Variants in CRACDL observed in about 807,000 individuals in gnomAD.
CRACDL encodes CRACD like.
A neutral mutation model predicts 70.6 loss-of-function variants in CRACDL; 26 were observed. That is an observed-to-expected ratio of 0.37 (90% confidence interval 0.27 to 0.51). The LOEUF (loss-of-function observed/expected upper bound fraction) is 0.51, where lower values mean the gene tolerates loss of function less well. CRACDL is among the 20% of genes least tolerant of loss of function. CRACDL has a pLI of 0.94. For synonymous variants in CRACDL, 618 were observed against 615.2 expected, an observed-to-expected ratio of 1.00 and a Z score of -0.07; for missense variants, 1,283 against 1,376.9, an observed-to-expected ratio of 0.93 and a Z score of 1.08.
intron 2 of CRACDL, among the ~76,000 whole-genome samples, chr2:98,844,845 G>A (rs1559229941): frequency 6.6e-6 from 1 of 152,204 alleles, no homozygotes; most frequent in Non-Finnish European, 1.5e-5. Context: ...AAAAGTACCT[G>A]GGTTTGCATC....
rs1426228695 is a variant in CRACDL, at chr2:98,822,838, TTCTCTCGGGCTCGGTCCCCGCTCC to T, written c.1411_1434del (p.Gly471_Arg478del). 4.9e-6 allele frequency: 7 copies of T among 1,440,614 alleles called. No individual in the cohort carries two copies. Among genetic ancestry groups the T allele is most frequent in the Non-Finnish European group, 3.6e-6 (4 of 1,105,072 alleles). 89.2% of individuals were successfully genotyped at this position (1,440,614 alleles called of 1,614,324 possible). A position where few individuals can be genotyped will look rare whatever the true frequency, so the allele number is the denominator to read the frequency against. On this transcript the variant is annotated inframe_deletion, in exon 7 of 10. Coordinates refer to ENST00000397899, the MANE Select transcript of CRACDL (RefSeq NM_207362.3). This position sits in a 1 kb window ranked among gnomAD's most constrained non-coding sequence, Gnocchi z 4.9. ...GGCGCCGTGGAGGGCTCGGTCCCAA[TTCTCTCGGGCTCGGTCCCCGCTCC>T]TCTCTCGGGCTCCGTCTCCGCTTCT...
At chr2:98,877,763 A>T (rs1009984993) in intron 1 of CRACDL, among the ~76,000 whole-genome samples, 1 of 151,940 alleles carries the variant, frequency 6.6e-6, no homozygotes, top group Non-Finnish European at 1.5e-5. Context: ...ATAATAAAAA[A>T]ATTTAAAATA....
chr2:98,877,512 G>A (rs1394600375), intron 1 of CRACDL, among the ~76,000 whole-genome samples: 7 of 152,218 alleles, frequency 4.6e-5, no homozygotes, highest in African/African-American at 1.4e-4. Context: ...TTGGGAGGCC[G>A]AGGCAGGCGG....
At chr2:98,832,235 C>T in intron 5 of CRACDL, 113 bp downstream of exon 5, 1 of 1,153,556 alleles carries the variant, frequency 8.7e-7, no homozygotes, top group East Asian at 2.3e-5. Context: ...ACCCAGTTGG[C>T]CACACCATGC....
chr2:98,798,503 A>G (rs1703938900), intron 7 of CRACDL, among the ~76,000 whole-genome samples: 1 of 146,472 alleles, frequency 6.8e-6, no homozygotes. Flanking sequence ...AAAAAAAGAC[A>G]CCATATGTTT....
At chr2:98,802,496 T>C (rs1326316683) in intron 7 of CRACDL, among the ~76,000 whole-genome samples, 1 of 152,240 alleles carries the variant, frequency 6.6e-6, no homozygotes, top group Non-Finnish European at 1.5e-5. Flanking sequence ...TTCGGGAAGA[T>C]CTAAAATGAA....
intron 1 of CRACDL, among the ~76,000 whole-genome samples, chr2:98,878,703 C>T (rs190541708): frequency 6.6e-6 from 1 of 152,262 alleles, no homozygotes; most frequent in East Asian, 1.9e-4. Context: ...AGATGCTCCT[C>T]GACGTACTAT....
chr2:98,883,615 G>A (rs1176697022), intron 1 of CRACDL, among the ~76,000 whole-genome samples: 7 of 152,160 alleles, frequency 4.6e-5, no homozygotes, highest in Admixed American at 6.5e-5. Flanking sequence ...TGGGAAGAGC[G>A]TGTTTGTATA....
At chr2:98,902,174 C>T (rs1055611749) in intron 1 of CRACDL, among the ~76,000 whole-genome samples, 6 of 152,192 alleles carry the variant, frequency 3.9e-5, no homozygotes, top group Admixed American at 3.9e-4. Flanking sequence ...CAGGGCAGCC[C>T]ATACGGCACA....
chr2:98,877,424 A>G (rs1193876822), intron 1 of CRACDL, among the ~76,000 whole-genome samples: 1 of 152,222 alleles, frequency 6.6e-6, no homozygotes, highest in Non-Finnish European at 1.5e-5. Flanking sequence ...TAGTGATGTT[A>G]GAGACATTGT....
chr2:98,867,572 C>G (rs1344834694), intron 1 of CRACDL, among the ~76,000 whole-genome samples: 1 of 152,048 alleles, frequency 6.6e-6, no homozygotes, highest in African/African-American at 2.4e-5. Context: ...TTTACAAAAC[C>G]ATTATTTCAA....
intron 1 of CRACDL, among the ~76,000 whole-genome samples, chr2:98,899,865 G>C (rs1003607051): frequency 1.5e-5 from 2 of 130,196 alleles, no homozygotes; most frequent in Non-Finnish European, 3.2e-5. Context: ...GCAGGGAATG[G>C]AGGCTCAGTG....
In CRACDL at chr2:98,823,948, C is replaced by CA. The variant is rs1705202479; in HGVS notation, c.736-412dup. Among the ~76,000 whole-genome samples the CA allele has an allele frequency of 6.6e-6, 1 of 152,208 alleles. No homozygotes were observed. The highest frequency in any genetic ancestry group is 1.5e-5 in the Non-Finnish European group (1 of 68,044). On this transcript the variant is annotated intron_variant, in intron 6 of 9. Coordinates refer to ENST00000397899, the MANE Select transcript of CRACDL (RefSeq NM_207362.3). This position sits in a 1 kb window ranked among gnomAD's most constrained non-coding sequence, Gnocchi z 4.0. Reference sequence around the variant, plus strand: ...TTTTTGCACTTGAGAGCCAGGAACTCAGAGAGGCCAATACCTTGTTCAAGC... The same window carrying CA: ...TTTTTGCACTTGAGAGCCAGGAACTCAAGAGAGGCCAATACCTTGTTCAAGC...
chr2:98,822,949 T>G lies in CRACDL; in HGVS notation c.1324A>C (p.Thr442Pro). 6.8e-7 allele frequency: 1 copy of G among 1,460,374 alleles called. No homozygotes were observed. Among genetic ancestry groups the G allele is most frequent in the Non-Finnish European group, 9.0e-7 (1 of 1,111,230 alleles). The allele number at this position is 1,460,374 out of a possible 1,614,324, so 90.5% of individuals were successfully genotyped here. ...TCCTCATCCGGGAGCACGGGCGGCG[T>G]CGGCTCCGCTTCCTTCGGGACACTG... ...ERSVPKEAEP[T>P]PPVLPDEEKG... The change falls in exon 7 of 10, where the codon ACG (threonine) becomes CCG (proline). Residue 442 changes from threonine (T) to proline (P), a missense_variant. Physicochemically the swap from Thr to Pro is conservative, Grantham distance 38. Transcript: ENST00000397899. This position sits in a 1 kb window ranked among gnomAD's most constrained non-coding sequence, Gnocchi z 4.9.
intron 1 of CRACDL, among the ~76,000 whole-genome samples, chr2:98,881,813 G>A (rs905345229): frequency 6.6e-6 from 1 of 152,172 alleles, no homozygotes; most frequent in Non-Finnish European, 1.5e-5. Flanking sequence ...GCGGGGAGAG[G>A]AGGGAGTCTC....
chr2:98,927,567 G>A (rs1186447990), intron 1 of CRACDL, among the ~76,000 whole-genome samples: 1 of 151,336 alleles, frequency 6.6e-6, no homozygotes, highest in African/African-American at 2.4e-5. Flanking sequence ...GAAGGAGTCT[G>A]GTATATACAC....
chr2:98,857,945 AGG>A (rs1706773816), intron 1 of CRACDL, among the ~76,000 whole-genome samples: 1 of 152,236 alleles, frequency 6.6e-6, no homozygotes, highest in Non-Finnish European at 1.5e-5. Flanking sequence ...ATATATTTAA[AGG>A]AATTTAGTTC....
chr2:98,924,676 A>G (rs1708873544), intron 1 of CRACDL, among the ~76,000 whole-genome samples: 2 of 152,098 alleles, frequency 1.3e-5, no homozygotes, highest in Admixed American at 1.3e-4. Context: ...GGGCCCCCCC[A>G]GGGCATGGCA....
At chr2:98,795,077 A>ATATATTTT in intron 9 of CRACDL, among the ~76,000 whole-genome samples, 5 of 58,492 alleles carry the variant, frequency 8.5e-5, no homozygotes, top group African/African-American at 2.0e-4. Flanking sequence ...ATATATATAT[A>ATATATTTT]TTTTTTTTTT....
Sources: allele counts gnomAD v4.1 joint callset (sites outside exome capture counted in the v4.1 genomes callset), GRCh38; gene constraint gnomAD v4.1.1; non-coding constraint Gnocchi (gnomAD v3.1); transcripts MANE v1.5; gene names NCBI Gene and HGNC (gene_info 2026-07-23, HGNC 2026-07-21).